Variants in TBX19 observed in about 807,000 individuals in gnomAD.
TBX19 encodes T-box transcription factor TBX19.
Under a neutral mutation model 40.9 loss-of-function variants are expected in TBX19, and 33 were observed. The observed-to-expected ratio is 0.81, with a 90% confidence interval of 0.61 to 1.08. TBX19 has a LOEUF of 1.08. Among genes scored for constraint, TBX19 ranks in the 50% least tolerant of loss-of-function variants. The pLI, the probability that TBX19 is intolerant of heterozygous loss-of-function variation, is 0.00. For synonymous variants in TBX19, 220 were observed against 225.0 expected, an observed-to-expected ratio of 0.98 and a Z score of 0.20; for missense variants, 494 against 574.0, an observed-to-expected ratio of 0.86 and a Z score of 1.42.
intron 6 of TBX19, among the ~76,000 whole-genome samples, chr1:168,307,709 T>C (rs1649435724): frequency 6.6e-6 from 1 of 152,136 alleles, no homozygotes; most frequent in Admixed American, 6.5e-5. Flanking sequence ...AAATAGAGAT[T>C]CAAAGAAATG....
At chr1:168,301,503 C>T (rs944101721) in intron 5 of TBX19, among the ~76,000 whole-genome samples, 4 of 152,144 alleles carry the variant, frequency 2.6e-5, no homozygotes, top group Non-Finnish European at 4.4e-5. Context: ...CCTTGTGATC[C>T]GCCTGCCTCG....
At position 168,306,626 on chromosome 1, in the gene TBX19, C is replaced by CAAA. The variant is rs56042823; in HGVS notation, c.916+1450_916+1452dup. Among the ~76,000 whole-genome samples the CAAA allele has an allele frequency of 2.5e-3, 187 of 74,354 alleles. 2 individuals carry two copies. Among genetic ancestry groups the CAAA allele is most frequent in the Middle Eastern group, 0.016 (2 of 128 alleles). The allele number at this position is 74,354 out of a possible 152,430, so 48.8% of individuals were successfully genotyped here. ...GGGCAACAAGAGCAAGACGCCATCT[C>CAAA]AAAAAAAAAAAAAAAAAAAAAAGAT... is the stretch of plus-strand genomic sequence containing the variant. On this transcript the variant is annotated intron_variant, in intron 6 of 7. Coordinates refer to ENST00000367821, the MANE Select transcript of TBX19 (RefSeq NM_005149.3).
chr1:168,289,931 C>G (rs1444480858), intron 1 of TBX19, among the ~76,000 whole-genome samples: 1 of 152,190 alleles, frequency 6.6e-6, no homozygotes, highest in African/African-American at 2.4e-5. Flanking sequence ...TGGTGGCTCA[C>G]ACCTGTAATT....
rs189471445 is a variant in TBX19, at chr1:168,298,853, T to C, written c.665+1068T>C. Among the ~76,000 whole-genome samples, 662 of 92,220 alleles carry C rather than the reference T, an allele frequency of 7.2e-3. 103 individuals are homozygous for C. Among genetic ancestry groups the C allele is most frequent in the African/African-American group, 0.025 (431 of 17,014 alleles). 60.5% of individuals were successfully genotyped at this position (92,220 alleles called of 152,430 possible). ...TTTCTTTCTTTCTTTCTTTCTTTCT[T>C]TCTTTCTTTCTTTCTTTCTTTCTTT... is the stretch of plus-strand genomic sequence containing the variant. On this transcript the variant is annotated intron_variant, in intron 4 of 7. Transcript: ENST00000367821.
Position 168,293,295 on chromosome 1 carries a change from G to T in TBX19, c.603+17G>T, listed in dbSNP as rs765417131. Reference sequence around the variant, plus strand: ...AATGAGGAGGTAAGAGTGTGTGTGTGTGTGTGTGTGTGTGTGTGTGTGTGT... The same window carrying T: ...AATGAGGAGGTAAGAGTGTGTGTGTTTGTGTGTGTGTGTGTGTGTGTGTGT... On this transcript the variant is annotated intron_variant, in intron 3 of 7. Coordinates refer to ENST00000367821, the MANE Select transcript of TBX19 (RefSeq NM_005149.3). 1 of 1,503,116 alleles carries T rather than the reference G, an allele frequency of 6.7e-7. No homozygotes were observed. The highest frequency in any genetic ancestry group is 1.8e-5 in the African/African-American group (1 of 56,030). 93.1% of individuals were successfully genotyped at this position (1,503,116 alleles called of 1,614,324 possible). A position where few individuals can be genotyped will look rare whatever the true frequency, so the allele number is the denominator to read the frequency against.
At chr1:168,298,610 T>C (rs1487918996) in intron 4 of TBX19, among the ~76,000 whole-genome samples, 1 of 151,970 alleles carries the variant, frequency 6.6e-6, no homozygotes, top group Non-Finnish European at 1.5e-5. Context: ...CTTTCTTCCT[T>C]CCTTTCTCTC....
At chr1:168,307,075 A>G (rs1179473666) in intron 6 of TBX19, among the ~76,000 whole-genome samples, 1 of 152,134 alleles carries the variant, frequency 6.6e-6, no homozygotes, top group African/African-American at 2.4e-5. Flanking sequence ...AGATACAGAA[A>G]GGGGAAAGAC....
chr1:168,287,478 T>TA (rs1572473419), intron 1 of TBX19, among the ~76,000 whole-genome samples: 1 of 152,028 alleles, frequency 6.6e-6, no homozygotes, highest in African/African-American at 2.4e-5. Context: ...ATTTTTTTTT[T>TA]AATAGAGATG....
chr1:168,281,916 T>C (rs1424103842), intron 1 of TBX19, among the ~76,000 whole-genome samples: 1 of 152,220 alleles, frequency 6.6e-6, no homozygotes, highest in Non-Finnish European at 1.5e-5. Context: ...AGATGCCTTC[T>C]TTCTTATCAG....
At chr1:168,295,265 T>C (rs1649072815) in intron 3 of TBX19, among the ~76,000 whole-genome samples, 2 of 151,930 alleles carry the variant, frequency 1.3e-5, no homozygotes, top group Admixed American at 1.3e-4. Context: ...CACTCCATCC[T>C]GGGTGAGAGA....
At chr1:168,299,920 A>C (rs1481374701) in intron 4 of TBX19, among the ~76,000 whole-genome samples, 1 of 152,180 alleles carries the variant, frequency 6.6e-6, no homozygotes, top group African/African-American at 2.4e-5. Context: ...AGAATTTAGG[A>C]CTTTGAGTAA....
In TBX19 at chr1:168,297,845, G is replaced by C. The variant is rs1446347667; in HGVS notation, c.665+60G>C. The C allele has an allele frequency of 2.9e-6, 4 of 1,399,878 alleles. No individual in the cohort carries two copies. The African/African-American group carries it at 5.7e-5, about 20-fold the overall frequency. The allele number at this position is 1,399,878 out of a possible 1,614,324, so 86.7% of individuals were successfully genotyped here. Reference sequence around the variant, plus strand: ...AATGATTTATGCAAATACAAATGTGGAATTTATGATTATCTTGAAAGGAAC... The same window carrying C: ...AATGATTTATGCAAATACAAATGTGCAATTTATGATTATCTTGAAAGGAAC... On this transcript the variant is annotated intron_variant, in intron 4 of 7. Transcript: ENST00000367821.
intron 2 of TBX19, 89 bp downstream of exon 2, chr1:168,291,513 G>C: frequency 6.3e-7 from 1 of 1,583,526 alleles, no homozygotes; most frequent in South Asian, 1.1e-5. Context: ...TAGGCAATTA[G>C]AGGTGTCCTC....
chr1:168,294,813 A>G (rs1003146905), intron 3 of TBX19, among the ~76,000 whole-genome samples: 1 of 151,956 alleles, frequency 6.6e-6, no homozygotes, highest in African/African-American at 2.4e-5. Flanking sequence ...TTTATTTTCT[A>G]TTATAGATAA....
intron 4 of TBX19, among the ~76,000 whole-genome samples, chr1:168,299,375 T>G (rs1012331645): frequency 6.6e-6 from 1 of 152,248 alleles, no homozygotes; most frequent in Non-Finnish European, 1.5e-5. Context: ...AACTGTCTAA[T>G]CTTTCCTGTT....
chr1:168,303,866 A>G (rs866346736), intron 5 of TBX19, among the ~76,000 whole-genome samples: 17 of 152,224 alleles, frequency 1.1e-4, no homozygotes, highest in African/African-American at 3.6e-4. Context: ...ATTCTAATGC[A>G]TTATGATTCG....
chr1:168,295,015 G>A lies in TBX19; in HGVS notation c.603+1737G>A, dbSNP rs371035421. Among the ~76,000 whole-genome samples, 10 of 152,150 alleles carry A rather than the reference G, an allele frequency of 6.6e-5. No homozygotes were observed. In the East Asian group the frequency reaches 1.2e-3, roughly 18 times the overall value. ...GGTTAAAAAAAATAAGATCTTGGCC[G>A]GACGTGGTGGCTCACGTCTCTAATC... On this transcript the variant is annotated intron_variant, in intron 3 of 7. Transcript: ENST00000367821.
intron 5 of TBX19, among the ~76,000 whole-genome samples, chr1:168,303,945 C>T (rs1189520156): frequency 3.3e-5 from 5 of 152,072 alleles, no homozygotes; most frequent in African/African-American, 7.2e-5. Context: ...GGGTTTTGGC[C>T]GGCTTATTTA....
chr1:168,300,452 C>T lies in TBX19; in HGVS notation c.696C>T (p.Ile232=), dbSNP rs202067639. Residue 232 remains isoleucine, a synonymous_variant, in exon 5 of 8, where the codon ATC becomes ATT. Transcript: ENST00000367821. ...RNHLRDVPEA[I]SESQHVTYSH... is the part of the protein sequence containing the mutation. ...ACCTAAGAGACGTACCGGAGGCTAT[C>T]TCTGAGAGCCAGCATGTGACCTATT... The T allele has an allele frequency of 3.1e-6, 5 of 1,614,142 alleles. No individual in the cohort carries two copies. Among genetic ancestry groups the T allele is most frequent in the Non-Finnish European group, 4.2e-6 (5 of 1,180,042 alleles).
Sources: gnomAD v4.1 joint callset for allele counts (sites outside exome capture counted in the v4.1 genomes callset) on GRCh38, gnomAD v4.1.1 for gene constraint, MANE v1.5 for transcripts, NCBI Gene and HGNC (gene_info 2026-07-23, HGNC 2026-07-21) for gene names.